The following CREBBP variants were observed in gnomAD, a reference collection of about 807,000 sequenced individuals.
CREBBP encodes the protein CREB-binding protein.
A neutral mutation model predicts 265.0 loss-of-function variants in CREBBP; 19 were observed. That is an observed-to-expected ratio of 0.07 (90% CI 0.05 to 0.11). The LOEUF is 0.11. Among genes scored for constraint, CREBBP ranks in the 10% least tolerant of loss-of-function variants. The probability of loss-of-function intolerance (pLI) is 1.00; values close to 1 mark genes in which losing one functional copy is unlikely to be tolerated. For synonymous variants in CREBBP, 1,457 were observed against 1,223.7 expected, an observed-to-expected ratio of 1.19 and a Z score of -3.98; for missense variants, 2,525 against 3,219.0, an observed-to-expected ratio of 0.78 and a Z score of 5.22.
In CREBBP at chr16:3,758,971, G is replaced by C; in HGVS notation, c.3252C>G (p.Ile1084Met). The C allele has an allele frequency of 6.2e-7, 1 of 1,606,052 alleles. No individual in the cohort carries two copies. The highest frequency in any genetic ancestry group is 8.5e-7 in the Non-Finnish European group (1 of 1,173,524). ...STSPSQPRKK[I>M]FKPEELRQAL... ...CCTGGCGTAACTCCTCTGGTTTAAA[G>C]ACTGCAGAGAAAACATCAAGAAAAG... Residue 1084 changes from isoleucine to methionine, a missense_variant and splice_region_variant, in exon 17 of 31, where the codon ATC becomes ATG. This residue lies in a region of CREBBP where 548 missense variants were observed against 533.0 expected (regional missense o/e 1.03). Transcript: ENST00000262367.
intron 1 of CREBBP, among the ~76,000 whole-genome samples, chr16:3,877,264 C>T (rs996807722): frequency 6.6e-6 from 1 of 152,206 alleles, no homozygotes; most frequent in Non-Finnish European, 1.5e-5. Context: ...TCAGGTCTGT[C>T]CCACCTAACC....
chr16:3,855,309 G>A (rs1318978686), intron 1 of CREBBP, among the ~76,000 whole-genome samples: 1 of 152,118 alleles, frequency 6.6e-6, no homozygotes, highest in Admixed American at 6.5e-5. Flanking sequence ...TGTTGCCCAC[G>A]CTAGATGGAG....
In CREBBP at chr16:3,778,727, C is replaced by T. The variant is rs1312749433; in HGVS notation, c.1914G>A (p.Gly638=). Residue 638 remains glycine (G), a synonymous_variant, in exon 9 of 31, where the codon GGG becomes GGA. Transcript: ENST00000262367. The stretch of plus-strand genomic sequence containing the variant: ...TGCTGTTGGCAGACTCGTACATGTC[C>T]CCTTCCACTTTCTTAGCATAGGCTA... The part of the protein sequence containing the change: ...NLVAYAKKVE[G]DMYESANSRD... The T allele has an allele frequency of 1.9e-6, 3 of 1,614,016 alleles. No individual in the cohort carries two copies. The highest frequency in any genetic ancestry group is 2.2e-5 in the South Asian group (2 of 91,060).
At chr16:3,751,918 G>A (rs568660795) in intron 19 of CREBBP, 112 bp from the exon 20 acceptor site, 69 of 976,492 alleles carry the variant, frequency 7.1e-5, no homozygotes, top group Middle Eastern at 2.1e-4. Flanking sequence ...AAGGGGGGGC[G>A]TTGTTGGTTG....
intron 13 of CREBBP, 149 bp from the exon 14 acceptor site, chr16:3,771,135 C>T (rs1373709516): frequency 2.5e-6 from 2 of 807,796 alleles, no homozygotes; most frequent in Non-Finnish European, 4.1e-6. Context: ...ATGGTGCGAT[C>T]TCGGCTCACT....
intron 21 of CREBBP, among the ~76,000 whole-genome samples, 193 bp downstream of exon 21, chr16:3,749,434 G>A (rs1055672606): frequency 6.6e-6 from 1 of 152,146 alleles, no homozygotes; most frequent in Admixed American, 6.5e-5. Context: ...AGTAACTAGA[G>A]TACATGTTAC....
intron 1 of CREBBP, among the ~76,000 whole-genome samples, chr16:3,869,801 C>T (rs773822378): frequency 8.5e-5 from 13 of 152,146 alleles, no homozygotes; most frequent in Non-Finnish European, 1.5e-4. Flanking sequence ...CATCTCAATT[C>T]ACCCTCTTCC....
intron 2 of CREBBP, among the ~76,000 whole-genome samples, chr16:3,835,520 G>A (rs905333926): frequency 4.7e-5 from 7 of 147,936 alleles, no homozygotes; most frequent in African/African-American, 1.5e-4. Flanking sequence ...TAAGAGAAAT[G>A]AAAACTTCTA....
chr16:3,757,649 C>T (rs888772249), intron 18 of CREBBP, among the ~76,000 whole-genome samples, 160 bp downstream of exon 18: 1 of 152,186 alleles, frequency 6.6e-6, no homozygotes, highest in Admixed American at 6.5e-5. Context: ...ACACCCAGCT[C>T]TGATCACCCA....
At position 3,823,060 on chromosome 16, in the gene CREBBP, T is replaced by C. The variant is rs568595707; in HGVS notation, c.799-12281A>G. 2.6e-5 allele frequency among the ~76,000 whole-genome samples: 4 copies of C among 152,266 alleles called. No individual in the cohort carries two copies. The East Asian group carries it at 5.8e-4, about 22-fold the overall frequency. Reference sequence around the variant, plus strand: ...TAAAAAGAAAAAAAGGACACAAATGTATAATCCCCATAAAACACACACCTA... The same window carrying C: ...TAAAAAGAAAAAAAGGACACAAATGCATAATCCCCATAAAACACACACCTA... On this transcript the variant is annotated intron_variant, in intron 2 of 30. Transcript: ENST00000262367.
In CREBBP at chr16:3,766,738, G is replaced by A. The variant is rs377066970; in HGVS notation, c.3250+982C>T. On this transcript the variant is annotated intron_variant, in intron 16 of 30. Coordinates refer to ENST00000262367, the MANE Select transcript of CREBBP (RefSeq NM_004380.3). ...GATGGAGCCTTGCTATGTTGCTCAGGCTGGTTTTGAACTCCCAGCATCAAG... is the reference window on the plus strand; with the variant it reads ...GATGGAGCCTTGCTATGTTGCTCAGACTGGTTTTGAACTCCCAGCATCAAG... Among the ~76,000 whole-genome samples, 10 of 152,134 alleles carry A rather than the reference G, an allele frequency of 6.6e-5. No individual in the cohort carries two copies. The East Asian group carries it at 9.7e-4, about 15-fold the overall frequency.
chr16:3,730,800 C>T (rs1263202422), intron 30 of CREBBP, among the ~76,000 whole-genome samples: 1 of 152,152 alleles, frequency 6.6e-6, no homozygotes, highest in Non-Finnish European at 1.5e-5. Context: ...CGTCATTTCA[C>T]AGGGGGGTCA....
intron 5 of CREBBP, chr16:3,784,359 T>G (rs2053340170): frequency 6.6e-6 from 1 of 152,156 alleles, no homozygotes; most frequent in Admixed American, 6.5e-5. Flanking sequence ...CACAACTACA[T>G]ACACCAAGCA....
intron 1 of CREBBP, among the ~76,000 whole-genome samples, chr16:3,854,780 C>T (rs2054924336): frequency 6.6e-6 from 1 of 152,206 alleles, no homozygotes; most frequent in Non-Finnish European, 1.5e-5. Context: ...GCTGCCCCTG[C>T]AGAACAGACC....
chr16:3,729,057 G>A lies in CREBBP; in HGVS notation c.5990C>T (p.Pro1997Leu), dbSNP rs758101123. Reference protein sequence around the residue: ...GMGTPGSQMAPVSLNVPRPNQ... With the variant: ...GMGTPGSQMALVSLNVPRPNQ... ...GGGTCGGGGCACATTCAGGCTCACG[G>A]GGGCCATCTGGCTCCCCGGGGTCCC... is the stretch of plus-strand genomic sequence containing the variant. Residue 1997 changes from proline to leucine, a missense_variant, in exon 31 of 31, where the codon CCC becomes CTC. This residue lies in a region of CREBBP where 275 missense variants were observed against 276.5 expected (regional missense o/e 0.99). Coordinates refer to ENST00000262367, the MANE Select transcript of CREBBP (RefSeq NM_004380.3). 2 of 1,584,858 alleles carry A rather than the reference G, an allele frequency of 1.3e-6. No homozygotes were observed. The highest frequency in any genetic ancestry group is 1.7e-5 in the Admixed American group (1 of 57,332).
chr16:3,868,543 T>TAA (rs202165384), intron 1 of CREBBP, among the ~76,000 whole-genome samples: 7 of 151,126 alleles, frequency 4.6e-5, no homozygotes, highest in African/African-American at 1.7e-4. Context: ...TTATAAGCCC[T>TAA]AAAAAAAAAT....
Position 3,728,715 on chromosome 16 carries a change from T to C in CREBBP, c.6332A>G (p.Asn2111Ser), listed in dbSNP as rs149930719. ...IKQRTAKYVA[N>S]QPGMQPQPGL... ...AGGCTGGGGCTGCATGCCGGGCTGA[T>C]TGGCCACGTACTTGGCTGTGCGCTG... The change falls in exon 31 of 31, where the codon AAT becomes AGT. Residue 2111 changes from asparagine (N) to serine (S), a missense_variant. Physicochemically the swap from Asn to Ser is conservative, Grantham distance 46 (BLOSUM62 1). Around this residue, in one of 19 missense-constraint regions of CREBBP, gnomAD observed 473 missense variants for 459.3 expected, o/e 1.03. Transcript: ENST00000262367. This position sits in a 1 kb window ranked among gnomAD's most constrained non-coding sequence, Gnocchi z 8.7. 131 of 1,613,892 alleles carry C rather than the reference T, an allele frequency of 8.1e-5. No individual in the cohort carries two copies. The highest frequency in any genetic ancestry group is 6.4e-4 in the African/African-American group (48 of 75,044).
At chr16:3,873,348 T>C (rs2055337878) in intron 1 of CREBBP, among the ~76,000 whole-genome samples, 1 of 152,150 alleles carries the variant, frequency 6.6e-6, no homozygotes, top group African/African-American at 2.4e-5. Context: ...TTTTTAAAAA[T>C]ACAATAAAAA....
chr16:3,860,736 T>C (rs1697460545), intron 1 of CREBBP, among the ~76,000 whole-genome samples: 1 of 152,014 alleles, frequency 6.6e-6, no homozygotes, highest in Non-Finnish European at 1.5e-5. Context: ...CTGGAAAAGT[T>C]CACTCCTAGA....
Sources: allele counts gnomAD v4.1 joint callset (sites outside exome capture counted in the v4.1 genomes callset), GRCh38; gene constraint gnomAD v4.1.1; regional missense constraint gnomAD v4.1.1; non-coding constraint Gnocchi (gnomAD v3.1); transcripts MANE v1.5; gene names NCBI Gene and HGNC (gene_info 2026-07-23, HGNC 2026-07-21).